Variants in UBE3D observed in about 807,000 individuals in gnomAD.
The protein encoded by UBE3D is E3 ubiquitin-protein ligase E3D.
In UBE3D, 48 loss-of-function variants were observed where a neutral mutation model predicts 49.6. The observed-to-expected ratio is 0.97, with a 90% CI of 0.77 to 1.23. The LOEUF (loss-of-function observed/expected upper bound fraction) is 1.23, where lower values mean the gene tolerates loss of function less well. Among genes scored for constraint, UBE3D ranks in the 50% most tolerant of loss-of-function variants. UBE3D has a pLI of 0.00. For synonymous variants in UBE3D, 189 were observed against 174.2 expected (o/e 1.08, Z -0.67); for missense variants, 452 against 468.4 (o/e 0.96, Z 0.32).
chr6:83,048,485 A>G (rs1172520832), intron 3 of UBE3D, among the ~76,000 whole-genome samples: 2 of 152,212 alleles, frequency 1.3e-5, no homozygotes, highest in Admixed American at 1.3e-4. Flanking sequence ...CAAACCCTCA[A>G]TACAGTGCAA....
At chr6:82,945,596 C>T (rs1415041539) in intron 9 of UBE3D, among the ~76,000 whole-genome samples, 1 of 152,100 alleles carries the variant, frequency 6.6e-6, no homozygotes, top group African/African-American at 2.4e-5. Context: ...TATCCATGCC[C>T]AGATACTGAC....
intron 2 of UBE3D, among the ~76,000 whole-genome samples, chr6:83,055,074 G>C (rs1276875990): frequency 2.6e-5 from 4 of 152,192 alleles, no homozygotes; most frequent in Admixed American, 1.3e-4. Flanking sequence ...GCTCCAAAAA[G>C]AGTCCAGTTT....
chr6:82,888,377 A>G (rs1770927115), downstream of UBE3D, among the ~76,000 whole-genome samples: 1 of 152,038 alleles, frequency 6.6e-6, no homozygotes, highest in Non-Finnish European at 1.5e-5. Flanking sequence ...TTATGACAAT[A>G]AAAATCATTT....
rs79451302 is a variant in UBE3D, at chr6:82,935,492, G to A, written c.1149+21820C>T. On this transcript the variant is annotated intron_variant, in intron 9 of 9. Transcript: ENST00000369747. Reference sequence around the variant, plus strand: ...GGTCGGAATGAGGAAATGGGGGTGGGGATAATGGAAATTTAATATATAATA... The same window carrying A: ...GGTCGGAATGAGGAAATGGGGGTGGAGATAATGGAAATTTAATATATAATA... Among the ~76,000 whole-genome samples the A allele has an allele frequency of 5.3e-3, 801 of 152,092 alleles. 6 individuals carry two copies. Among genetic ancestry groups the A allele is most frequent in the African/African-American group, 0.018 (756 of 41,506 alleles).
At chr6:83,018,675 A>G (rs952337097) in intron 8 of UBE3D, 31 of 291,660 alleles carry the variant, frequency 1.1e-4, no homozygotes, top group Non-Finnish European at 1.9e-4. Context: ...GAAAGTGCTT[A>G]TTGGTAAATA....
Position 82,978,590 on chromosome 6 carries a change from T to C in UBE3D, c.1011-21140A>G, listed in dbSNP as rs142545489. On this transcript the variant is annotated intron_variant, in intron 8 of 9. Transcript: ENST00000369747. ...ACAAAAAAAATGTCTACCTAGCAGTTTGAGCTCCTGCTGACTTCTCTAGCC... is the reference window on the plus strand; with the variant it reads ...ACAAAAAAAATGTCTACCTAGCAGTCTGAGCTCCTGCTGACTTCTCTAGCC... Among the ~76,000 whole-genome samples, 251 of 152,346 alleles carry C rather than the reference T, an allele frequency of 1.6e-3. 1 individual carries two copies. Among genetic ancestry groups the C allele is most frequent in the African/African-American group, 5.9e-3 (246 of 41,592 alleles).
chr6:82,885,766 A>C, the UBE3D span, among the ~76,000 whole-genome samples: 1 of 152,128 alleles, frequency 6.6e-6, no homozygotes, highest in African/African-American at 2.4e-5. Context: ...GCTTTCCACA[A>C]TCTGACAAGA....
chr6:83,046,678 G>GGGGGT (rs1554211669), intron 3 of UBE3D, among the ~76,000 whole-genome samples: 3 of 132,890 alleles, frequency 2.3e-5, no homozygotes, highest in East Asian at 2.4e-4. Context: ...TTGGCGGGGG[G>GGGGGT]GGTGGGCGGT....
chr6:82,942,722 C>T (rs570252816), intron 9 of UBE3D, among the ~76,000 whole-genome samples: 2 of 152,214 alleles, frequency 1.3e-5, no homozygotes, highest in African/African-American at 2.4e-5. Flanking sequence ...GTTTGGGAAG[C>T]TCCACCTAGA....
intron 8 of UBE3D, among the ~76,000 whole-genome samples, chr6:82,957,929 A>T (rs1248255007): frequency 6.6e-6 from 1 of 152,202 alleles, no homozygotes; most frequent in Non-Finnish European, 1.5e-5. Context: ...ACTTTTAAAA[A>T]GTGACAGAAT....
chr6:82,988,748 T>C (rs145676122), intron 8 of UBE3D, among the ~76,000 whole-genome samples: 308 of 152,272 alleles, frequency 2.0e-3, no homozygotes, highest in Middle Eastern at 6.9e-3. Flanking sequence ...TCTCAAACTT[T>C]TTCTAAAGTT....
chr6:83,049,812 T>G (rs1783343998), intron 3 of UBE3D: 1 of 470,830 alleles, frequency 2.1e-6, no homozygotes, highest in Non-Finnish European at 4.4e-6. Flanking sequence ...TTTGGCCAAC[T>G]GATTTCATTC....
intron 9 of UBE3D, among the ~76,000 whole-genome samples, chr6:82,946,049 C>G (rs1181556560): frequency 6.6e-6 from 1 of 151,996 alleles, no homozygotes; most frequent in Non-Finnish European, 1.5e-5. Context: ...GAGTTACAGG[C>G]CTTAAAGAGG....
intron 4 of UBE3D, 28 bp downstream of exon 4, chr6:83,044,400 T>C (rs1279475400): frequency 6.2e-7 from 1 of 1,603,248 alleles, no homozygotes; most frequent in Non-Finnish European, 8.5e-7. Context: ...GCCTCTAAAT[T>C]ACCATTTATT....
chr6:83,065,519 AGGCTC>A (rs1562244208), intron 1 of UBE3D, 118 bp downstream of exon 1: 82 of 862,254 alleles, frequency 9.5e-5, no homozygotes, highest in Non-Finnish European at 3.6e-6. Flanking sequence ...AGTGATCGAG[AGGCTC>A]TACGCAACTG....
chr6:82,887,157 A>T, the UBE3D span, among the ~76,000 whole-genome samples: 3 of 126,090 alleles, frequency 2.4e-5, no homozygotes, highest in South Asian at 7.4e-4. Context: ...TACCAAAAAA[A>T]ATAAAAAATA....
chr6:82,937,642 GA>G (rs1474650894), intron 9 of UBE3D, among the ~76,000 whole-genome samples: 2 of 152,078 alleles, frequency 1.3e-5, no homozygotes, highest in African/African-American at 4.8e-5. Context: ...CAAAATCACT[GA>G]AAAATTCCTA....
rs1490318373 is a variant in UBE3D, at chr6:82,957,371, T to C, written c.1090A>G (p.Ile364Val). The C allele has an allele frequency of 1.9e-6, 3 of 1,613,956 alleles. No homozygotes were observed. The African/African-American group carries it at 4.0e-5, about 22-fold the overall frequency. ...AGATTGGCATTACTCTTTGACAATA[T>C]CAACAGCAGCTCCAAGCAGGTTGCA... ...PSATCLELLL[I>V]LSKSNANLPS... Residue 364 changes from isoleucine (I) to valine (V), a missense_variant, in exon 9 of 10, where the codon ATA becomes GTA. Coordinates refer to ENST00000369747, the MANE Select transcript of UBE3D (RefSeq NM_198920.3).
intron 1 of UBE3D, among the ~76,000 whole-genome samples, chr6:83,064,316 C>T (rs979513710): frequency 1.3e-5 from 2 of 152,248 alleles, no homozygotes; most frequent in East Asian, 1.9e-4. Flanking sequence ...CTCCGCCTCC[C>T]GGGTTCACTC....
Sources: allele counts gnomAD v4.1 joint callset (sites outside exome capture counted in the v4.1 genomes callset), GRCh38; gene constraint gnomAD v4.1.1; transcripts MANE v1.5; gene names NCBI Gene and HGNC (gene_info 2026-07-23, HGNC 2026-07-21).